Variants in TFIP11 observed in about 807,000 individuals in gnomAD.
TFIP11 encodes tuftelin interacting protein 11.
A neutral mutation model predicts 96.8 loss-of-function variants in TFIP11; 86 were observed. The ratio of observed to expected loss-of-function variants is 0.89; its 90% CI spans 0.75 to 1.06. The LOEUF is 1.06. TFIP11 is among the 50% of genes least tolerant of loss of function. TFIP11 has a pLI of 0.00. For missense variants in TFIP11, 881 were observed against 1,076.7 expected (o/e 0.82, Z 2.54); for synonymous variants, 405 against 395.2 (o/e 1.02, Z -0.29).
intron 8 of TFIP11, 131 bp downstream of exon 8, chr22:26,501,769 G>A (rs547884567): frequency 1.4e-6 from 1 of 718,214 alleles, no homozygotes; most frequent in Non-Finnish European, 2.1e-6. Flanking sequence ...ATAAATAAGT[G>A]AGAAAAGCAA....
At chr22:26,496,361 G>A (rs1182824001) in intron 11 of TFIP11, 45 bp from the exon 12 acceptor site, 2 of 1,553,884 alleles carry the variant, frequency 1.3e-6, no homozygotes, top group Non-Finnish European at 1.7e-6. Flanking sequence ...CTGTGGGGCA[G>A]TCACATAACA....
chr22:26,496,143 C>T lies in TFIP11; in HGVS notation c.1779G>A (p.Gln593=), dbSNP rs1686378295. The change falls in exon 12 of 15, where the codon CAG becomes CAA. Residue 593 remains glutamine (Q), a synonymous_variant. Coordinates refer to ENST00000407690, the MANE Select transcript of TFIP11 (RefSeq NM_012143.4). ...PSDSSAKLIL[Q]PWKDVFTPGS... ...CAGGAGTGAAGACATCCTTCCAGGG[C>T]TGGAGGATGAGCTTGGCAGAGGAGT... 1 of 1,613,784 alleles carries T rather than the reference C, an allele frequency of 6.2e-7. No individual in the cohort carries two copies. The highest frequency in any genetic ancestry group is 1.3e-5 in the African/African-American group (1 of 74,882).
At chr22:26,498,810 T>C in intron 10 of TFIP11, 59 bp downstream of exon 10, 1 of 1,421,876 alleles carries the variant, frequency 7.0e-7, no homozygotes, top group Non-Finnish European at 9.9e-7. Flanking sequence ...CCTTCAGCAA[T>C]CCTTCCCAAC....
At chr22:26,508,224 T>G (rs573429244) in intron 4 of TFIP11, among the ~76,000 whole-genome samples, 1 of 152,174 alleles carries the variant, frequency 6.6e-6, no homozygotes, top group Non-Finnish European at 1.5e-5. Context: ...TTCCTAAAAT[T>G]GTAATATAAC....
In TFIP11 at chr22:26,492,144, G is replaced by A; in HGVS notation, c.2383C>T (p.Arg795Ter). 3.1e-6 allele frequency: 5 copies of A among 1,613,512 alleles called. No homozygotes were observed. Among genetic ancestry groups the A allele is most frequent in the South Asian group, 1.1e-5 (1 of 91,042 alleles). Residue 795 changes from arginine to a stop codon, truncating the protein, a stop_gained, in exon 15 of 15, where the codon CGA (arginine) becomes TGA (stop). Transcript: ENST00000407690. LOFTEE classifies it high-confidence loss of function. Reference sequence around the variant, plus strand: ...GTGTAGAGCTGCTTCCCTTCGTGTCGCTTCCCAATGACGGGCATGAAGACA... The same window carrying A: ...GTGTAGAGCTGCTTCCCTTCGTGTCACTTCCCAATGACGGGCATGAAGACA... Reference protein sequence around the residue: ...NIVFMPVIGKRHEGKQLYTFG... With the variant: ...NIVFMPVIGK
intron 8 of TFIP11, 88 bp downstream of exon 8, chr22:26,501,808 GCCTA>G: frequency 2.4e-6 from 1 of 423,282 alleles, no homozygotes; most frequent in Non-Finnish European, 3.5e-6. Flanking sequence ...AAAAAAAAAA[GCCTA>G]GCTAAAAGAT....
Position 26,506,310 on chromosome 22 carries a change from A to C in TFIP11, c.513T>G (p.Asn171Lys). ...GYVPGRGLGKNAQGIINPIEA... is the reference protein window; with the variant it reads ...GYVPGRGLGKKAQGIINPIEA... ...ACGACAAAGGTGCAATACCTTGTGC[A>C]TTCTTCCCGAGGCCCCGTCCAGGGA... The change falls in exon 6 of 15, where the codon AAT becomes AAG. Residue 171 changes from asparagine (N) to lysine (K), a missense_variant. Transcript: ENST00000407690. 1 of 1,605,790 alleles carries C rather than the reference A, an allele frequency of 6.2e-7. No individual in the cohort carries two copies.
rs1398402541 is a variant in TFIP11, at chr22:26,512,195, C to T, written c.-172-20G>A. ...TGCTGTCTAGGTTTGGTGAAGGAAG[C>T]TCAGGTTCTTAAATGAATCCAAGCC... On this transcript the variant is annotated intron_variant, in intron 1 of 14. Transcript: ENST00000407690. The T allele has an allele frequency of 6.6e-6, 1 of 152,236 alleles. No homozygotes were observed. The highest frequency in any genetic ancestry group is 1.9e-4 in the East Asian group (1 of 5,200). The allele number at this position is 152,236 out of a possible 1,614,324, so 9.4% of individuals were successfully genotyped here.
chr22:26,509,036 G>C (rs1005917003), intron 4 of TFIP11, among the ~76,000 whole-genome samples: 1 of 152,030 alleles, frequency 6.6e-6, no homozygotes, highest in African/African-American at 2.4e-5. Context: ...CACTATCCTA[G>C]ACCAGTCCTC....
At position 26,492,385 on chromosome 22, in the gene TFIP11, C is replaced by A; in HGVS notation, c.2159-17G>T. 1 of 1,611,752 alleles carries A rather than the reference C, an allele frequency of 6.2e-7. No individual in the cohort carries two copies. Among genetic ancestry groups the A allele is most frequent in the Non-Finnish European group, 8.5e-7 (1 of 1,178,146 alleles). On this transcript the variant is annotated splice_polypyrimidine_tract_variant and intron_variant, in intron 14 of 14. Coordinates refer to ENST00000407690, the MANE Select transcript of TFIP11 (RefSeq NM_012143.4). ...TGTAGGCACCTAAGATACAGGAGGA[C>A]AGGGCGGTGAGGAGAGGTGTTTCCA...
rs770553732 is a variant in TFIP11 at position 26,496,777 on chromosome 22, C to T, written c.1549G>A (p.Val517Met). 1.2e-6 allele frequency: 2 copies of T among 1,614,178 alleles called. No homozygotes were observed. Among genetic ancestry groups the T allele is most frequent in the Admixed American group, 3.3e-5 (2 of 60,032 alleles). Residue 517 changes from valine (V) to methionine (M), a missense_variant, in exon 11 of 15, where the codon GTG (valine) becomes ATG (methionine). Coordinates refer to ENST00000407690, the MANE Select transcript of TFIP11 (RefSeq NM_012143.4). ...TCCAGTATGTTATCTAAGATCCACA[C>T]AGGAATAATGTGCACCCAACTATCC... Reference protein sequence around the residue: ...FLDSWVHIIPVWILDNILDQL... With the variant: ...FLDSWVHIIPMWILDNILDQL...
At chr22:26,510,474 G>A (rs963337361) in intron 3 of TFIP11, 143 bp downstream of exon 3, 1 of 586,526 alleles carries the variant, frequency 1.7e-6, no homozygotes, top group African/African-American at 1.9e-5. Context: ...TAAAACAGGT[G>A]AACAAAATAC....
chr22:26,499,230 G>C lies in TFIP11; in HGVS notation c.1203C>G (p.Ala401=), dbSNP rs769539690. 6.2e-7 allele frequency: 1 copy of C among 1,614,010 alleles called. No homozygotes were observed. The highest frequency in any genetic ancestry group is 1.7e-5 in the Admixed American group (1 of 60,000). ...CSNPLTLDEC[A]RIFETLQDKY... ...TGTCCTGCAGGGTTTCGAAGATGCG[G>C]GCACACTCGTCCAGGGTGAGGGGGT... Residue 401 remains alanine (A), a synonymous_variant, in exon 9 of 15, where the codon GCC becomes GCG. Coordinates refer to ENST00000407690, the MANE Select transcript of TFIP11 (RefSeq NM_012143.4).
chr22:26,506,167 A>G (rs1283787293), intron 6 of TFIP11, 136 bp downstream of exon 6: 2 of 906,700 alleles, frequency 2.2e-6, no homozygotes, highest in Non-Finnish European at 3.2e-6. Flanking sequence ...TTAGGAACGC[A>G]AATGTCTTGT....
chr22:26,496,962 C>G lies in TFIP11; in HGVS notation c.1437-73G>C, dbSNP rs994477104. 3.3e-6 allele frequency: 5 copies of G among 1,531,814 alleles called. No homozygotes were observed. The Admixed American group carries it at 8.9e-5, about 27-fold the overall frequency. The allele number at this position is 1,531,814 out of a possible 1,614,324, so 94.9% of individuals were successfully genotyped here. The stretch of plus-strand genomic sequence containing the variant: ...TTCAAAGTACACCACCACCACCTGC[C>G]TCTCTAGAATCAGGAATAAAAATGC... On this transcript the variant is annotated intron_variant, in intron 10 of 14. Transcript: ENST00000407690.
rs563434897 is a variant in TFIP11 at position 26,497,606 on chromosome 22, G to C, written c.1437-717C>G. ...AGGAAAAGAAGTCATGGCTGGGCAC[G>C]GAGGCTCACGCCTGTAATTCCAGCA... On this transcript the variant is annotated intron_variant, in intron 10 of 14. Transcript: ENST00000407690. Among the ~76,000 whole-genome samples the C allele has an allele frequency of 4.6e-5, 7 of 152,300 alleles. No homozygotes were observed. The East Asian group carries it at 1.3e-3, about 29-fold the overall frequency.
intron 12 of TFIP11, among the ~76,000 whole-genome samples, chr22:26,495,323 G>C (rs117864774): frequency 0.12 from 14,229 of 122,042 alleles, 1,032 homozygotes; most frequent in Non-Finnish European, 0.17. Flanking sequence ...CTGTTGCCCA[G>C]GCTGAAGTGC....
intron 8 of TFIP11, among the ~76,000 whole-genome samples, chr22:26,500,235 T>G (rs928735378): frequency 3.3e-5 from 5 of 152,198 alleles, no homozygotes; most frequent in Non-Finnish European, 5.9e-5. Flanking sequence ...AGTGGCACGA[T>G]CTCAGCTCAC....
chr22:26,501,070 A>T (rs1922728515), intron 8 of TFIP11, among the ~76,000 whole-genome samples: 1 of 151,822 alleles, frequency 6.6e-6, no homozygotes, highest in Admixed American at 6.6e-5. Flanking sequence ...TTTTTAGTAG[A>T]GACGGGGTTT....
Sources: allele counts gnomAD v4.1 joint callset (sites outside exome capture counted in the v4.1 genomes callset), GRCh38; gene constraint gnomAD v4.1.1; transcripts MANE v1.5; gene names NCBI Gene and HGNC (gene_info 2026-07-23, HGNC 2026-07-21).